The following TRAPPC8 variants were observed in gnomAD, a reference collection of about 807,000 sequenced individuals.
TRAPPC8 encodes general sporulation gene 1 homolog.
In TRAPPC8, 54 loss-of-function variants were observed where a neutral mutation model predicts 174.3. The observed-to-expected ratio is 0.31, with a 90% CI of 0.25 to 0.39. The LOEUF (loss-of-function observed/expected upper bound fraction) is 0.39. Ranked by LOEUF, TRAPPC8 falls within the 10% of genes least tolerant of loss-of-function variation. The pLI, the probability that TRAPPC8 is intolerant of heterozygous loss-of-function variation, is 1.00. For synonymous variants in TRAPPC8, 630 were observed against 579.9 expected (o/e 1.09, Z -1.24); for missense variants, 1,531 against 1,699.1 (o/e 0.90, Z 1.74).
chr18:31,890,999 G>T, intron 11 of TRAPPC8, 133 bp from the exon 12 acceptor site: 1 of 703,620 alleles, frequency 1.4e-6, no homozygotes, highest in Non-Finnish European at 2.0e-6. Flanking sequence ...TGAGGGCAAA[G>T]ATCAAGGGGA....
intron 11 of TRAPPC8, among the ~76,000 whole-genome samples, chr18:31,894,037 C>T (rs1405997032): frequency 6.6e-6 from 1 of 152,142 alleles, no homozygotes; most frequent in Non-Finnish European, 1.5e-5. Context: ...CCTTAGCATT[C>T]CCAAATTTAA....
intron 12 of TRAPPC8, among the ~76,000 whole-genome samples, chr18:31,886,120 C>T (rs996016920): frequency 1.3e-5 from 2 of 151,160 alleles, no homozygotes; most frequent in East Asian, 2.0e-4. Context: ...ATTCTCCTGC[C>T]TCAGTCTCCC....
At position 31,876,489 on chromosome 18, in the gene TRAPPC8, C is replaced by CAAAAAAAAAAAAAAAAAAAA. The variant is rs71175801; in HGVS notation, c.1729-1805_1729-1786dup. Among the ~76,000 whole-genome samples, 105 of 48,686 alleles carry CAAAAAAAAAAAAAAAAAAAA rather than the reference C, an allele frequency of 2.2e-3. 9 individuals are homozygous for CAAAAAAAAAAAAAAAAAAAA. The highest frequency in any genetic ancestry group is 2.6e-3 in the African/African-American group (28 of 10,618). The allele number at this position is 48,686 out of a possible 152,430, so 31.9% of individuals were successfully genotyped here. On this transcript the variant is annotated intron_variant, in intron 12 of 28. Coordinates refer to ENST00000283351, the MANE Select transcript of TRAPPC8 (RefSeq NM_014939.5). ...TGGGCTACACTGCGAGACTCCATCTCAAAAAAAAAAAAAAAAAAAAAAAGA... is the reference window on the plus strand; with the variant it reads ...TGGGCTACACTGCGAGACTCCATCTCAAAAAAAAAAAAAAAAAAAAAAAAAAAAAAAAAAAAAAAAAAAGA...
intron 21 of TRAPPC8, among the ~76,000 whole-genome samples, chr18:31,854,965 C>CAAAAA (rs71175798): frequency 3.3e-4 from 15 of 45,630 alleles, no homozygotes; most frequent in Admixed American, 5.9e-4. Context: ...GACTCCATCT[C>CAAAAA]AAAAAAAAAA....
intron 4 of TRAPPC8, 25 bp from the exon 5 acceptor site, chr18:31,913,547 C>A: frequency 1.9e-6 from 3 of 1,544,572 alleles, no homozygotes; most frequent in Non-Finnish European, 2.6e-6. Flanking sequence ...GGAAAAAAAT[C>A]TGAAGTAAAA....
intron 4 of TRAPPC8, among the ~76,000 whole-genome samples, chr18:31,914,341 T>C (rs759813125): frequency 2.6e-5 from 4 of 152,186 alleles, no homozygotes; most frequent in Admixed American, 1.3e-4. Flanking sequence ...GTACACACAC[T>C]GAAGGACAAT....
At chr18:31,864,862 T>G in intron 18 of TRAPPC8, 81 bp from the exon 19 acceptor site, 1 of 1,211,276 alleles carries the variant, frequency 8.3e-7, no homozygotes. Flanking sequence ...GTGAATATTG[T>G]AAGTTTCAGA....
intron 24 of TRAPPC8, 41 bp from the exon 25 acceptor site, chr18:31,849,780 T>A (rs745373136): frequency 1.3e-6 from 2 of 1,516,766 alleles, no homozygotes; most frequent in Admixed American, 4.6e-5. Flanking sequence ...ATGCTTTTAA[T>A]TATGTTGTCA....
chr18:31,935,548 T>TGAAGAAAAAAAA (rs745488703), intron 1 of TRAPPC8, among the ~76,000 whole-genome samples: 1 of 46,286 alleles, frequency 2.2e-5, no homozygotes, highest in African/African-American at 1.1e-4. Context: ...AACTCCATCT[T>TGAAGAAAAAAAA]AAAAAAAAAA....
intron 25 of TRAPPC8, among the ~76,000 whole-genome samples, chr18:31,847,518 T>C (rs1340265050): frequency 3.3e-5 from 5 of 152,188 alleles, no homozygotes; most frequent in African/African-American, 1.2e-4. Flanking sequence ...AACATAAAAT[T>C]ACTCAGTCAA....
chr18:31,846,608 C>T (rs1313835524), intron 26 of TRAPPC8, 108 bp downstream of exon 26: 5 of 846,214 alleles, frequency 5.9e-6, no homozygotes, highest in Non-Finnish European at 9.2e-6. Flanking sequence ...AAAAACAAAA[C>T]CTGAACAAAC....
Position 31,942,833 on chromosome 18 carries a change from C to G in TRAPPC8, c.-69G>C, listed in dbSNP as rs1180812572. The G allele has an allele frequency of 3.2e-6, 4 of 1,266,182 alleles. No individual in the cohort carries two copies. Among genetic ancestry groups the G allele is most frequent in the Non-Finnish European group, 4.0e-6 (4 of 1,003,462 alleles). 78.4% of individuals were successfully genotyped at this position (1,266,182 alleles called of 1,614,324 possible). ...CTGCGAGGTTATCCTGCGGCTGCAGCAGCTACCGCCGCCGCCCGCCGGCCT... is the reference window on the plus strand; with the variant it reads ...CTGCGAGGTTATCCTGCGGCTGCAGGAGCTACCGCCGCCGCCCGCCGGCCT... On this transcript the variant is annotated 5_prime_UTR_variant, in exon 1 of 29. Coordinates refer to ENST00000283351, the MANE Select transcript of TRAPPC8 (RefSeq NM_014939.5).
At chr18:31,839,949 T>C (rs563823118) in intron 26 of TRAPPC8, among the ~76,000 whole-genome samples, 1 of 152,348 alleles carries the variant, frequency 6.6e-6, no homozygotes, top group South Asian at 2.1e-4. Context: ...TAGTATAATC[T>C]ATACTATAAT....
chr18:31,849,979 GTCTTAC>G (rs1164279890), intron 24 of TRAPPC8, among the ~76,000 whole-genome samples: 1 of 151,058 alleles, frequency 6.6e-6, no homozygotes, highest in African/African-American at 2.4e-5. Flanking sequence ...TTGATACAGG[GTCTTAC>G]TCTGTCATCC....
At chr18:31,916,746 C>A (rs1227854966) in intron 3 of TRAPPC8, among the ~76,000 whole-genome samples, 2 of 150,420 alleles carry the variant, frequency 1.3e-5, no homozygotes, top group Non-Finnish European at 2.9e-5. Context: ...GTTGGCCAGG[C>A]TGGTCTTGAA....
intron 1 of TRAPPC8, among the ~76,000 whole-genome samples, chr18:31,935,548 T>TGGAAAAAAAAAAAAAAAAAAAAAAAA (rs745488703): frequency 2.2e-5 from 1 of 46,286 alleles, no homozygotes; most frequent in Non-Finnish European, 3.5e-5. Flanking sequence ...AACTCCATCT[T>TGGAAAAAAAAAAAAAAAAAAAAAAAA]AAAAAAAAAA....
At chr18:31,928,851 G>A (rs1448870666) in intron 2 of TRAPPC8, among the ~76,000 whole-genome samples, 1 of 152,132 alleles carries the variant, frequency 6.6e-6, no homozygotes, top group African/African-American at 2.4e-5. Flanking sequence ...CTGCAAAACA[G>A]AATCACATAT....
intron 19 of TRAPPC8, 36 bp from the exon 20 acceptor site, chr18:31,858,018 T>C (rs761507981): frequency 5.2e-6 from 8 of 1,526,138 alleles, no homozygotes; most frequent in Admixed American, 2.2e-5. Flanking sequence ...TATTTGTCTG[T>C]TAAAAATTTT....
chr18:31,862,777 GAAATAACATCCAATTAAAAGAGTTCCCA>G (rs998547613), intron 19 of TRAPPC8, among the ~76,000 whole-genome samples: 6 of 152,128 alleles, frequency 3.9e-5, no homozygotes, highest in African/African-American at 1.2e-4. Flanking sequence ...AAGAAGAAAG[GAAATAACATCCAATTAAAAGAGTTCCCA>G]AGCACTTTGG....
Sources: gnomAD v4.1 joint callset for allele counts (sites outside exome capture counted in the v4.1 genomes callset) on GRCh38, gnomAD v4.1.1 for gene constraint, MANE v1.5 for transcripts, NCBI Gene and HGNC (gene_info 2026-07-23, HGNC 2026-07-21) for gene names.